NKAIN2: variants seen among roughly 807,000 people sequenced by gnomAD.
NKAIN2 encodes the protein sodium/potassium-transporting ATPase subunit beta-1-interacting protein 2.
A neutral mutation model predicts 32.6 loss-of-function variants in NKAIN2; 14 were observed. The ratio of observed to expected loss-of-function variants is 0.43; its 90% CI spans 0.28 to 0.67. The LOEUF (loss-of-function observed/expected upper bound fraction) is 0.67. Among genes scored for constraint, NKAIN2 ranks in the 30% least tolerant of loss-of-function variants. The pLI, the probability that NKAIN2 is intolerant of heterozygous loss-of-function variation, is 0.17. For synonymous variants in NKAIN2, 80 were observed against 87.2 expected (o/e 0.92, Z 0.46); for missense variants, 198 against 258.3 (o/e 0.77, Z 1.60).
At chr6:124,429,786 C>T (rs1252860103) in intron 3 of NKAIN2, among the ~76,000 whole-genome samples, 1 of 152,174 alleles carries the variant, frequency 6.6e-6, no homozygotes, top group African/African-American at 2.4e-5. Flanking sequence ...TCTCTAGCAG[C>T]TACTGCTCCC....
intron 3 of NKAIN2, among the ~76,000 whole-genome samples, chr6:124,388,455 C>T (rs1351467716): frequency 6.6e-6 from 1 of 152,060 alleles, no homozygotes; most frequent in Middle Eastern, 3.4e-3. Context: ...ATGCTGCTGG[C>T]CCATGTGCCC....
chr6:124,468,194 A>G (rs1776837128), intron 3 of NKAIN2, among the ~76,000 whole-genome samples: 1 of 152,166 alleles, frequency 6.6e-6, no homozygotes, highest in South Asian at 2.1e-4. Flanking sequence ...CCTATTTAAT[A>G]TTCTTTAAAA....
intron 3 of NKAIN2, among the ~76,000 whole-genome samples, chr6:124,611,788 G>A (rs1380153192): frequency 6.6e-6 from 1 of 152,124 alleles, no homozygotes; most frequent in Non-Finnish European, 1.5e-5. Context: ...ATAATATAAG[G>A]AGTCTTTGCT....
intron 6 of NKAIN2, 32 bp downstream of exon 6, chr6:124,818,500 G>C (rs1162217926): frequency 2.0e-6 from 2 of 1,009,990 alleles, no homozygotes; most frequent in African/African-American, 1.6e-5. Context: ...TACTCTTCTG[G>C]GGTACTAAAG....
intron 4 of NKAIN2, among the ~76,000 whole-genome samples, chr6:124,679,643 G>T (rs1371851732): frequency 1.3e-5 from 2 of 152,162 alleles, no homozygotes. Context: ...CTCCACAGAG[G>T]AAAGAGAGCC....
chr6:124,715,417 C>G (rs1775704148), intron 4 of NKAIN2, among the ~76,000 whole-genome samples: 1 of 152,192 alleles, frequency 6.6e-6, no homozygotes, highest in East Asian at 1.9e-4. Context: ...CTCCTCTCCC[C>G]TCCCTGTGGG....
chr6:124,031,899 C>T lies in NKAIN2; in HGVS notation c.54+227645C>T, dbSNP rs1042234539. Among the ~76,000 whole-genome samples the T allele has an allele frequency of 2.0e-5, 3 of 152,068 alleles. No individual in the cohort carries two copies. The East Asian group carries it at 5.8e-4, about 29-fold the overall frequency. ...GAACTAGAAATACCATTTGACCCAG[C>T]AATCCCATTACCGGGTATATACCCA... On this transcript the variant is annotated intron_variant, in intron 1 of 6. Coordinates refer to ENST00000368417, the MANE Select transcript of NKAIN2 (RefSeq NM_001040214.3).
At chr6:123,817,966 T>C (rs1773764530) in intron 1 of NKAIN2, among the ~76,000 whole-genome samples, 1 of 152,174 alleles carries the variant, frequency 6.6e-6, no homozygotes, top group Non-Finnish European at 1.5e-5. Context: ...TTCTTGGCTG[T>C]TTTACTCAGT....
At chr6:123,881,855 A>G (rs1469511963) in intron 1 of NKAIN2, among the ~76,000 whole-genome samples, 1 of 152,184 alleles carries the variant, frequency 6.6e-6, no homozygotes, top group Admixed American at 6.5e-5. Flanking sequence ...TCTTTCATAC[A>G]TGAATATGAC....
At chr6:124,601,943 C>G (rs571234573) in intron 3 of NKAIN2, among the ~76,000 whole-genome samples, 1 of 152,000 alleles carries the variant, frequency 6.6e-6, no homozygotes, top group African/African-American at 2.4e-5. Context: ...AGCTGTCAGT[C>G]TTTTTCTTTT....
At chr6:124,737,925 T>A (rs1199409884) in intron 4 of NKAIN2, among the ~76,000 whole-genome samples, 1 of 151,864 alleles carries the variant, frequency 6.6e-6, no homozygotes, top group East Asian at 1.9e-4. Context: ...AAGAAATTTC[T>A]AAGTGGCAAA....
At chr6:124,471,849 A>G (rs1776987563) in intron 3 of NKAIN2, among the ~76,000 whole-genome samples, 1 of 152,190 alleles carries the variant, frequency 6.6e-6, no homozygotes, top group Admixed American at 6.5e-5. Context: ...GTGACTTAAT[A>G]TAGGAGAAAA....
At chr6:123,804,731 TA>T (rs886155952) in intron 1 of NKAIN2, among the ~76,000 whole-genome samples, 5 of 152,274 alleles carry the variant, frequency 3.3e-5, no homozygotes, top group South Asian at 4.1e-4. Flanking sequence ...TATAATGCTC[TA>T]AAAAAACCAC....
chr6:123,961,228 C>G (rs904612182), intron 1 of NKAIN2, among the ~76,000 whole-genome samples: 2 of 152,108 alleles, frequency 1.3e-5, no homozygotes, highest in Admixed American at 1.3e-4. Context: ...GAGTTCTCTC[C>G]TGTGTCTCAT....
intron 4 of NKAIN2, among the ~76,000 whole-genome samples, chr6:124,723,311 G>T (rs973929389): frequency 6.6e-6 from 1 of 152,132 alleles, no homozygotes; most frequent in African/African-American, 2.4e-5. Flanking sequence ...GGTGCTGAAC[G>T]TTACCATTAT....
chr6:124,395,035 A>T (rs543778934), intron 3 of NKAIN2, among the ~76,000 whole-genome samples: 1 of 152,302 alleles, frequency 6.6e-6, no homozygotes, highest in Non-Finnish European at 1.5e-5. Flanking sequence ...AGAGAGCCAG[A>T]ATAAGACCTG....
At chr6:124,390,251 G>T (rs766822176) in intron 3 of NKAIN2, among the ~76,000 whole-genome samples, 2 of 152,010 alleles carry the variant, frequency 1.3e-5, no homozygotes, top group African/African-American at 4.8e-5. Flanking sequence ...TTTAACAAAC[G>T]TTTCTTATTT....
chr6:124,049,629 A>G (rs966597362), intron 1 of NKAIN2, among the ~76,000 whole-genome samples: 1 of 152,008 alleles, frequency 6.6e-6, no homozygotes, highest in African/African-American at 2.4e-5. Context: ...TAAACACTTG[A>G]TATGTTTTAA....
At chr6:124,705,478 T>C (rs762395433) in intron 4 of NKAIN2, among the ~76,000 whole-genome samples, 54 of 152,136 alleles carry the variant, frequency 3.5e-4, no homozygotes, top group Non-Finnish European at 1.3e-4. Context: ...TAAGAAAGAA[T>C]TGAACCCTAA....
Sources: gnomAD v4.1 joint callset for allele counts (sites outside exome capture counted in the v4.1 genomes callset) on GRCh38, gnomAD v4.1.1 for gene constraint, MANE v1.5 for transcripts, NCBI Gene and HGNC (gene_info 2026-07-23, HGNC 2026-07-21) for gene names.